Variants in MROH2A observed in about 807,000 individuals in gnomAD.
MROH2A encodes the protein maestro heat-like repeat-containing protein family member 2A.
Under a neutral mutation model 200.4 loss-of-function variants are expected in MROH2A, and 174 were observed. That is an observed-to-expected ratio of 0.87 (90% CI 0.77 to 0.98). MROH2A has a LOEUF of 0.98. Among genes scored for constraint, MROH2A ranks in the 50% least tolerant of loss-of-function variants. The probability of loss-of-function intolerance (pLI) is 0.00; values close to 1 mark genes in which losing one functional copy is unlikely to be tolerated. For synonymous variants in MROH2A, 829 were observed against 840.4 expected, an observed-to-expected ratio of 0.99 and a Z score of 0.23; for missense variants, 2,045 against 2,139.6, an observed-to-expected ratio of 0.96 and a Z score of 0.87.
At chr2:233,790,473 CTTCCTTCCTCCCTCCCT>C (rs1701660602) in intron 5 of MROH2A, among the ~76,000 whole-genome samples, 1 of 67,654 alleles carries the variant, frequency 1.5e-5, no homozygotes, top group African/African-American at 9.6e-5. Flanking sequence ...TCCCTCCCTC[CTTCCTTCCTCCCTCCCT>C]CCTTCCTTCC....
intron 29 of MROH2A, 68 bp downstream of exon 29, chr2:233,818,838 G>A (rs946145619): frequency 4.9e-6 from 5 of 1,025,894 alleles, no homozygotes; most frequent in Non-Finnish European, 7.1e-6. Flanking sequence ...TCTCAGGGAG[G>A]GAGGCCTTCC....
Position 233,803,437 on chromosome 2 carries a change from C to T in MROH2A, c.1709-11C>T, listed in dbSNP as rs768969554. 104 of 1,550,362 alleles carry T rather than the reference C, an allele frequency of 6.7e-5. No homozygotes were observed. In the South Asian group the frequency reaches 1.2e-3, roughly 17 times the overall value. On this transcript the variant is annotated splice_polypyrimidine_tract_variant and intron_variant, in intron 15 of 41. Coordinates refer to ENST00000389758, the MANE Select transcript of MROH2A (RefSeq NM_001394639.1). Reference sequence around the variant, plus strand: ...GGAAGGCTCAGCTGGGGTTGCATTTCCTTCAATCAGTGGACCTGCCTGCAC... The same window carrying T: ...GGAAGGCTCAGCTGGGGTTGCATTTTCTTCAATCAGTGGACCTGCCTGCAC...
intron 40 of MROH2A, 84 bp from the exon 41 acceptor site, chr2:233,832,495 T>C: frequency 8.7e-7 from 1 of 1,150,814 alleles, no homozygotes; most frequent in Non-Finnish European, 1.3e-6. Flanking sequence ...AATGCTCTCA[T>C]AACGTAAAGT....
intron 8 of MROH2A, among the ~76,000 whole-genome samples, chr2:233,795,166 G>C (rs533457039): frequency 5.7e-4 from 87 of 152,296 alleles, no homozygotes; most frequent in African/African-American, 2.1e-3. Flanking sequence ...GAAGGACACC[G>C]GTCAACTCAA....
Position 233,820,165 on chromosome 2 carries a change from C to A in MROH2A, c.3512+109C>A. On this transcript the variant is annotated intron_variant, in intron 31 of 41. Coordinates refer to ENST00000389758, the MANE Select transcript of MROH2A (RefSeq NM_001394639.1). The surrounding 1 kb of genome is among the most constrained non-coding windows in gnomAD (Gnocchi z 4.1). ...TGGAGCCTTGGGCAGTACCCTGCCC[C>A]ACCCTGAAGGAGGTCGAAGCCCTCT... is the stretch of plus-strand genomic sequence containing the variant. 9.9e-7 allele frequency: 1 copy of A among 1,005,268 alleles called. No homozygotes were observed. The highest frequency in any genetic ancestry group is 1.4e-6 in the Non-Finnish European group (1 of 735,068). 62.3% of individuals were successfully genotyped at this position (1,005,268 alleles called of 1,614,324 possible).
At chr2:233,818,273 C>T (rs1703684000) in intron 28 of MROH2A, 148 bp downstream of exon 28, 2 of 1,004,716 alleles carry the variant, frequency 2.0e-6, no homozygotes, top group Admixed American at 2.5e-5. Flanking sequence ...TCAGAGGGAG[C>T]AGTGAGGGGA....
intron 28 of MROH2A, 88 bp downstream of exon 28, chr2:233,818,213 G>A (rs1000285279): frequency 2.7e-6 from 4 of 1,474,770 alleles, no homozygotes; most frequent in African/African-American, 1.4e-5. Flanking sequence ...TGCCCTGGAG[G>A]GAAGGATGGC....
intron 16 of MROH2A, 38 bp downstream of exon 16, chr2:233,803,526 G>A: frequency 6.5e-7 from 1 of 1,548,408 alleles, no homozygotes; most frequent in Non-Finnish European, 8.7e-7. Flanking sequence ...GGCCTGGCAA[G>A]GCCATGCCCT....
At chr2:233,784,646 C>T (rs1428656808) in intron 3 of MROH2A, among the ~76,000 whole-genome samples, 2 of 152,144 alleles carry the variant, frequency 1.3e-5, no homozygotes, top group Non-Finnish European at 2.9e-5. Context: ...AGCCTGGCGC[C>T]TCCTCTGTCT....
chr2:233,789,311 C>T (rs1361005258), intron 3 of MROH2A, among the ~76,000 whole-genome samples, 186 bp from the exon 4 acceptor site: 2 of 152,118 alleles, frequency 1.3e-5, no homozygotes, highest in African/African-American at 4.8e-5. Context: ...ATTGACAGGG[C>T]CAGTGGGATG....
Position 233,819,943 on chromosome 2 carries a change from G to A in MROH2A, c.3399G>A (p.Val1133=). The A allele has an allele frequency of 1.3e-6, 2 of 1,537,922 alleles. No individual in the cohort carries two copies. Among genetic ancestry groups the A allele is most frequent in the South Asian group, 1.2e-5 (1 of 83,276 alleles). The part of the protein sequence containing the change: ...ILSAILVHLP[V]VDHPEVRRLL... The stretch of plus-strand genomic sequence containing the variant: ...GTGCCATCCTGGTGCACCTGCCGGT[G>A]GTGGACCACCCAGAGGTGCGGCGCC... Residue 1133 remains valine (V), a synonymous_variant, in exon 31 of 42, where the codon GTG becomes GTA. Coordinates refer to ENST00000389758, the MANE Select transcript of MROH2A (RefSeq NM_001394639.1).
chr2:233,823,654 C>G lies in MROH2A; in HGVS notation c.4103C>G (p.Thr1368Arg). The G allele has an allele frequency of 6.4e-7, 1 of 1,550,410 alleles. No homozygotes were observed. The highest frequency in any genetic ancestry group is 1.2e-5 in the South Asian group (1 of 84,054). Residue 1368 changes from threonine to arginine, a missense_variant, in exon 35 of 42, where the codon ACA becomes AGA. Thr to Arg is a moderately conservative substitution (Grantham distance 71). Around this residue, in one of 3 missense-constraint regions of MROH2A, gnomAD observed 1,201 missense variants for 1,311.3 expected, o/e 0.92. Coordinates refer to ENST00000389758, the MANE Select transcript of MROH2A (RefSeq NM_001394639.1). ...SEVLSCRISS[T>R]AVCFMSGPVL... The stretch of plus-strand genomic sequence containing the variant: ...GTCCTGAGCTGCCGCATCAGCAGCA[C>G]AGCGGTCTGCGTGGAAATGAGGCAC...
rs753026223 is a variant in MROH2A, at chr2:233,807,990, A to G, written c.2295+135A>G. Reference sequence around the variant, plus strand: ...GTCTCCTGTCATCAAAATGGCTGAGACATTGTCTTACTCTGAGACCTCCTG... The same window carrying G: ...GTCTCCTGTCATCAAAATGGCTGAGGCATTGTCTTACTCTGAGACCTCCTG... On this transcript the variant is annotated intron_variant, in intron 21 of 41. Coordinates refer to ENST00000389758, the MANE Select transcript of MROH2A (RefSeq NM_001394639.1). This position sits in a 1 kb window ranked among gnomAD's most constrained non-coding sequence, Gnocchi z 4.3. 1.7e-6 allele frequency: 2 copies of G among 1,147,216 alleles called. No individual in the cohort carries two copies. Among genetic ancestry groups the G allele is most frequent in the Non-Finnish European group, 2.5e-6 (2 of 806,254 alleles). 71.1% of individuals were successfully genotyped at this position (1,147,216 alleles called of 1,614,324 possible).
chr2:233,814,810 G>T, intron 26 of MROH2A, 133 bp downstream of exon 26: 1 of 599,676 alleles, frequency 1.7e-6, no homozygotes, highest in Middle Eastern at 4.3e-4. Flanking sequence ...TAAAATTCCA[G>T]ATCTGCTAAA....
chr2:233,831,382 C>G (rs2124932853), intron 38 of MROH2A, 27 bp from the exon 39 acceptor site: 3 of 1,532,554 alleles, frequency 2.0e-6, no homozygotes, highest in South Asian at 2.5e-5. Flanking sequence ...TGGCTGATGG[C>G]TCTGCTGCCG....
At chr2:233,805,932 G>A (rs1575963387) in intron 19 of MROH2A, among the ~76,000 whole-genome samples, 1 of 152,112 alleles carries the variant, frequency 6.6e-6, no homozygotes, top group Admixed American at 6.5e-5. Context: ...ACGAATCACA[G>A]ACCTAAATAA....
chr2:233,807,348 A>G lies in MROH2A; in HGVS notation c.2053-75A>G. ...AAAATAAATTGAAAAATACGTAGAA[A>G]ACTCTCTACAACAGCACCCCCTGAA... is the stretch of plus-strand genomic sequence containing the variant. On this transcript the variant is annotated intron_variant, in intron 19 of 41. Coordinates refer to ENST00000389758, the MANE Select transcript of MROH2A (RefSeq NM_001394639.1). The surrounding 1 kb of genome is among the most constrained non-coding windows in gnomAD (Gnocchi z 4.3). The G allele has an allele frequency of 1.4e-6, 2 of 1,417,478 alleles. No homozygotes were observed. Among genetic ancestry groups the G allele is most frequent in the South Asian group, 1.4e-5 (1 of 70,854 alleles). 87.8% of individuals were successfully genotyped at this position (1,417,478 alleles called of 1,614,324 possible). A position where few individuals can be genotyped will look rare whatever the true frequency, so the allele number is the denominator to read the frequency against.
At chr2:233,831,603 G>A (rs1236100662) in intron 39 of MROH2A, 63 bp downstream of exon 39, 2 of 1,511,482 alleles carry the variant, frequency 1.3e-6, no homozygotes, top group Middle Eastern at 1.7e-4. Context: ...TGGAGCTGGG[G>A]GGTCGAGATT....
intron 3 of MROH2A, among the ~76,000 whole-genome samples, chr2:233,781,150 C>T (rs931508479): frequency 3.3e-5 from 5 of 152,214 alleles, no homozygotes; most frequent in East Asian, 1.9e-4. Flanking sequence ...TGGGTACTTA[C>T]GTTGATTCCA....
Sources: gnomAD v4.1 joint callset for allele counts (sites outside exome capture counted in the v4.1 genomes callset) on GRCh38, gnomAD v4.1.1 for gene constraint, gnomAD v4.1.1 regional missense constraint, Gnocchi (gnomAD v3.1) non-coding constraint, MANE v1.5 for transcripts, NCBI Gene and HGNC (gene_info 2026-07-23, HGNC 2026-07-21) for gene names.